Variants in TNR observed in about 807,000 individuals in gnomAD.
TNR encodes tenascin R.
A neutral mutation model predicts 150.4 loss-of-function variants in TNR; 45 were observed. The ratio of observed to expected loss-of-function variants is 0.30; its 90% confidence interval spans 0.24 to 0.38. TNR has a LOEUF of 0.38. TNR is among the 10% of genes least tolerant of loss of function. The probability of loss-of-function intolerance (pLI) is 1.00; values close to 1 mark genes in which losing one functional copy is unlikely to be tolerated. For missense variants in TNR, 1,544 were observed against 1,759.1 expected, an observed-to-expected ratio of 0.88 and a Z score of 2.19; for synonymous variants, 687 against 678.4, an observed-to-expected ratio of 1.01 and a Z score of -0.20.
intron 1 of TNR, among the ~76,000 whole-genome samples, chr1:175,742,306 A>G (rs1429796865): frequency 2.0e-5 from 3 of 152,184 alleles, no homozygotes; most frequent in Non-Finnish European, 4.4e-5. Flanking sequence ...AGCCCTCCTG[A>G]GTCTGGGACA....
At chr1:175,391,734 G>C (rs1653178400) in intron 6 of TNR, among the ~76,000 whole-genome samples, 1 of 152,210 alleles carries the variant, frequency 6.6e-6, no homozygotes, top group Non-Finnish European at 1.5e-5. Context: ...GTGATGAGGT[G>C]GTGCAGATTG....
At chr1:175,668,748 G>A (rs1665604707) in intron 1 of TNR, among the ~76,000 whole-genome samples, 1 of 152,184 alleles carries the variant, frequency 6.6e-6, no homozygotes, top group Non-Finnish European at 1.5e-5. Context: ...GCTCTACAAA[G>A]AAAGCAGCCT....
At chr1:175,478,780 C>G (rs183368575) in intron 2 of TNR, among the ~76,000 whole-genome samples, 1 of 152,270 alleles carries the variant, frequency 6.6e-6, no homozygotes, top group Admixed American at 6.5e-5. Context: ...TGTGGTAAGA[C>G]CTGCTCTTGT....
intron 2 of TNR, among the ~76,000 whole-genome samples, chr1:175,521,750 T>C (rs1346916627): frequency 1.3e-5 from 2 of 152,212 alleles, no homozygotes; most frequent in Admixed American, 6.5e-5. Context: ...AGCTCAATGA[T>C]TGTGGCCTCT....
chr1:175,351,329 G>A (rs1012666574), intron 18 of TNR, among the ~76,000 whole-genome samples: 2 of 152,140 alleles, frequency 1.3e-5, no homozygotes, highest in Non-Finnish European at 2.9e-5. Flanking sequence ...CACAGGCAAC[G>A]AGAGCTCATT....
intron 2 of TNR, among the ~76,000 whole-genome samples, chr1:175,475,685 A>G (rs972490556): frequency 5.9e-5 from 9 of 152,220 alleles, no homozygotes; most frequent in African/African-American, 2.2e-4. Context: ...TTCATCTTTC[A>G]AAATCCAGAT....
chr1:175,558,541 A>G (rs1465709991), intron 1 of TNR, among the ~76,000 whole-genome samples: 1 of 152,188 alleles, frequency 6.6e-6, no homozygotes, highest in Non-Finnish European at 1.5e-5. Context: ...ACTCAAAGTC[A>G]TATTCTGAAC....
At chr1:175,645,842 T>C (rs936321537) in intron 1 of TNR, among the ~76,000 whole-genome samples, 9 of 152,228 alleles carry the variant, frequency 5.9e-5, no homozygotes, top group Non-Finnish European at 1.2e-4. Flanking sequence ...AGCAGTTGCT[T>C]TAATACTGAA....
chr1:175,697,672 A>C (rs1365244889), intron 1 of TNR, among the ~76,000 whole-genome samples: 3 of 152,114 alleles, frequency 2.0e-5, no homozygotes, highest in Non-Finnish European at 4.4e-5. Flanking sequence ...TGATCTAATT[A>C]GTTCTGCAAG....
chr1:175,679,740 C>T (rs1665973541), intron 1 of TNR, among the ~76,000 whole-genome samples: 1 of 152,198 alleles, frequency 6.6e-6, no homozygotes, highest in Non-Finnish European at 1.5e-5. Flanking sequence ...GCGTGGCTCC[C>T]TGCTATTAAA....
intron 1 of TNR, among the ~76,000 whole-genome samples, chr1:175,677,101 G>C (rs961091531): frequency 3.3e-5 from 5 of 152,204 alleles, no homozygotes; most frequent in African/African-American, 1.2e-4. Context: ...CTGGGCTACT[G>C]TTCATTGGCA....
chr1:175,714,826 C>G (rs1280999687), intron 1 of TNR, among the ~76,000 whole-genome samples: 1 of 152,196 alleles, frequency 6.6e-6, no homozygotes, highest in African/African-American at 2.4e-5. Flanking sequence ...GAGTCTGTGG[C>G]TCAGCCTGCG....
intron 1 of TNR, among the ~76,000 whole-genome samples, chr1:175,565,913 T>A (rs1661623446): frequency 6.6e-6 from 1 of 152,200 alleles, no homozygotes; most frequent in Non-Finnish European, 1.5e-5. Flanking sequence ...AGGATGTGAA[T>A]TGAAACTGGA....
At chr1:175,739,009 T>C (rs1667850225) in intron 1 of TNR, among the ~76,000 whole-genome samples, 1 of 152,060 alleles carries the variant, frequency 6.6e-6, no homozygotes, top group Non-Finnish European at 1.5e-5. Context: ...TATTAGGGAG[T>C]CCTCACTTTG....
chr1:175,695,985 TATGG>T (rs112381209), intron 1 of TNR, among the ~76,000 whole-genome samples: 16 of 148,844 alleles, frequency 1.1e-4, no homozygotes, highest in Non-Finnish European at 2.1e-4. Context: ...CAGATGGATA[TATGG>T]ATGGATGGAT....
intron 1 of TNR, among the ~76,000 whole-genome samples, chr1:175,612,719 C>G (rs962181696): frequency 6.6e-6 from 1 of 152,284 alleles, no homozygotes; most frequent in South Asian, 2.1e-4. Flanking sequence ...AATCCCAAAC[C>G]ACTTATGAGA....
intron 1 of TNR, among the ~76,000 whole-genome samples, chr1:175,549,044 T>C (rs1049346572): frequency 2.0e-5 from 3 of 152,172 alleles, no homozygotes; most frequent in Non-Finnish European, 4.4e-5. Context: ...ACAAAATCCA[T>C]ACACGTGCCA....
chr1:175,506,170 G>A (rs1658950251), intron 2 of TNR, among the ~76,000 whole-genome samples: 1 of 152,218 alleles, frequency 6.6e-6, no homozygotes, highest in South Asian at 2.1e-4. Context: ...ATGATCCTAT[G>A]AAGGAACACT....
chr1:175,708,405 G>A (rs1666901977), intron 1 of TNR, among the ~76,000 whole-genome samples: 1 of 152,204 alleles, frequency 6.6e-6, no homozygotes, highest in African/African-American at 2.4e-5. Flanking sequence ...TATGAAGAGA[G>A]AAATGATGAA....
Sources: gnomAD v4.1 joint callset for allele counts (sites outside exome capture counted in the v4.1 genomes callset) on GRCh38, gnomAD v4.1.1 for gene constraint, MANE v1.5 for transcripts, NCBI Gene and HGNC (gene_info 2026-07-23, HGNC 2026-07-21) for gene names.